The following PDE3A variants were observed in gnomAD, a reference collection of about 807,000 sequenced individuals.
The protein encoded by PDE3A is phosphodiesterase 3A.
Under a neutral mutation model 98.3 loss-of-function variants are expected in PDE3A, and 43 were observed. That is an observed-to-expected ratio of 0.44 (90% CI 0.34 to 0.56). The LOEUF (loss-of-function observed/expected upper bound fraction) is 0.56. Among genes scored for constraint, PDE3A ranks in the 20% least tolerant of loss-of-function variants. The pLI is 0.01. For synonymous variants in PDE3A, 663 were observed against 567.9 expected, an observed-to-expected ratio of 1.17 and a Z score of -2.38; for missense variants, 1,427 against 1,440.7, an observed-to-expected ratio of 0.99 and a Z score of 0.15.
chr12:20,561,354 C>A (rs1942515380), intron 2 of PDE3A, among the ~76,000 whole-genome samples: 1 of 152,082 alleles, frequency 6.6e-6, no homozygotes, highest in East Asian at 1.9e-4. Flanking sequence ...CTTCAGTTTT[C>A]TTGGTAGGAT....
chr12:20,413,878 G>C (rs1238467808), intron 1 of PDE3A, among the ~76,000 whole-genome samples: 3 of 152,162 alleles, frequency 2.0e-5, no homozygotes, highest in African/African-American at 7.2e-5. Context: ...GATGGTACGG[G>C]AGAGTGAAAA....
rs117810139 is a variant in PDE3A, at chr12:20,435,693, C to A, written c.960+65449C>A. On this transcript the variant is annotated intron_variant, in intron 1 of 15. Coordinates refer to ENST00000359062, the MANE Select transcript of PDE3A (RefSeq NM_000921.5). ...TTTCTACTTTTCTAAAATGGTAATT[C>A]TATTTGCTCTGCTTAACTCACAGCT... Among the ~76,000 whole-genome samples, 51 of 152,246 alleles carry A rather than the reference C, an allele frequency of 3.3e-4. No homozygotes were observed. In the East Asian group the frequency reaches 9.7e-3, roughly 29 times the overall value.
At chr12:20,668,442 T>C (rs1945379743) in intron 15 of PDE3A, among the ~76,000 whole-genome samples, 1 of 152,048 alleles carries the variant, frequency 6.6e-6, no homozygotes, top group African/African-American at 2.4e-5. Context: ...CAGACTTAAA[T>C]GTCCCTGTCT....
intron 1 of PDE3A, among the ~76,000 whole-genome samples, chr12:20,554,530 A>G (rs974819941): frequency 5.9e-5 from 9 of 151,698 alleles, no homozygotes; most frequent in African/African-American, 2.2e-4. Flanking sequence ...CATTTATTAT[A>G]AGGTTAGGCT....
rs74647341 is a variant in PDE3A at position 20,518,631 on chromosome 12, T to C, written c.961-38029T>C. On this transcript the variant is annotated intron_variant, in intron 1 of 15. Transcript: ENST00000359062. ...ATATTTGGAAACCAAGATTAATAGA[T>C]GTTTCAGATCCGAAGTGTTTGTTCT... 2.0e-4 allele frequency among the ~76,000 whole-genome samples: 31 copies of C among 152,304 alleles called. No individual in the cohort carries two copies. The East Asian group carries it at 6.0e-3, about 29-fold the overall frequency.
rs1199294249 is a variant in PDE3A at position 20,597,595 on chromosome 12, T to G, written c.1012-15848T>G. Among the ~76,000 whole-genome samples, 27 of 152,190 alleles carry G rather than the reference T, an allele frequency of 1.8e-4. 1 individual carries two copies. The highest frequency in any genetic ancestry group is 1.8e-3 in the Admixed American group (27 of 15,276). On this transcript the variant is annotated intron_variant, in intron 2 of 15. Transcript: ENST00000359062. ...TTTCAAAGTTTGGAAAAGAACCACA[T>G]GGACAGATTCAGGTGTTTTAGGATC... is the stretch of plus-strand genomic sequence containing the variant.
Position 20,420,047 on chromosome 12 carries a change from G to T in PDE3A, c.960+49803G>T, listed in dbSNP as rs141949858. On this transcript the variant is annotated intron_variant, in intron 1 of 15. Transcript: ENST00000359062. ...ATCATTAAAAAGAAACTGTGGCATGGGATAGTTTAGGAATTTTTTAAAAAT... is the reference window on the plus strand; with the variant it reads ...ATCATTAAAAAGAAACTGTGGCATGTGATAGTTTAGGAATTTTTTAAAAAT... Among the ~76,000 whole-genome samples the T allele has an allele frequency of 9.7e-4, 148 of 152,120 alleles. 1 individual carries two copies. Among genetic ancestry groups the T allele is most frequent in the African/African-American group, 3.4e-3 (142 of 41,496 alleles).
chr12:20,548,960 T>C (rs1942128619), intron 1 of PDE3A, among the ~76,000 whole-genome samples: 1 of 151,966 alleles, frequency 6.6e-6, no homozygotes, highest in Non-Finnish European at 1.5e-5. Flanking sequence ...TTATTGTGAA[T>C]AACCATTTTT....
intron 2 of PDE3A, among the ~76,000 whole-genome samples, chr12:20,608,377 G>C (rs1429644704): frequency 1.2e-5 from 1 of 82,722 alleles, no homozygotes; most frequent in Non-Finnish European, 3.0e-5. Context: ...ATGATACTAA[G>C]GATATTTTTT....
At chr12:20,471,503 G>A (rs1015621320) in intron 1 of PDE3A, among the ~76,000 whole-genome samples, 1 of 152,118 alleles carries the variant, frequency 6.6e-6, no homozygotes, top group Admixed American at 6.6e-5. Flanking sequence ...CTAGAAATAC[G>A]GAGTCCAATC....
At chr12:20,647,361 A>T (rs1045408263) in intron 12 of PDE3A, among the ~76,000 whole-genome samples, 1 of 152,170 alleles carries the variant, frequency 6.6e-6, no homozygotes. Flanking sequence ...TATAACAATT[A>T]TGATTCTTAT....
chr12:20,680,155 C>G lies in PDE3A; in HGVS notation c.3310C>G (p.Leu1104Val). The change falls in exon 16 of 16, where the codon CTG (leucine) becomes GTG (valine). Residue 1104 changes from leucine (L) to valine (V), a missense_variant. Leu to Val is a conservative substitution (Grantham distance 32, BLOSUM62 1). Around this residue, in one of 3 missense-constraint regions of PDE3A, gnomAD observed 142 missense variants for 133.9 expected, o/e 1.06. Transcript: ENST00000359062. ...GTTGGCAGGCATAGAAAATCAATCCCTGGACCAGACCCCTCAGTCGCACTC... is the reference window on the plus strand; with the variant it reads ...GTTGGCAGGCATAGAAAATCAATCCGTGGACCAGACCCCTCAGTCGCACTC... ...QRLAGIENQS[L>V]DQTPQSHSSE... is the part of the protein sequence containing the mutation. 6.2e-7 allele frequency: 1 copy of G among 1,613,862 alleles called. No homozygotes were observed. The highest frequency in any genetic ancestry group is 2.2e-5 in the East Asian group (1 of 44,856).
chr12:20,556,273 C>A (rs144083657), intron 1 of PDE3A, among the ~76,000 whole-genome samples: 1 of 152,160 alleles, frequency 6.6e-6, no homozygotes, highest in Non-Finnish European at 1.5e-5. Flanking sequence ...ACTGATTTGG[C>A]CTTCTGGTTC....
intron 1 of PDE3A, among the ~76,000 whole-genome samples, chr12:20,534,406 A>G (rs1300942908): frequency 2.0e-5 from 3 of 152,194 alleles, no homozygotes. Context: ...GTCCTCTTCA[A>G]TAGGCGAGGT....
chr12:20,591,583 A>G (rs981899424), intron 2 of PDE3A, among the ~76,000 whole-genome samples: 1 of 152,260 alleles, frequency 6.6e-6, no homozygotes, highest in Non-Finnish European at 1.5e-5. Flanking sequence ...AAATATGTGC[A>G]TTGTTAGGGA....
rs754087920 is a variant in PDE3A at position 20,370,117 on chromosome 12, G to T, written c.833G>T (p.Gly278Val). 3.7e-6 allele frequency: 6 copies of T among 1,613,232 alleles called. No homozygotes were observed. In the East Asian group the frequency reaches 1.3e-4, roughly 36 times the overall value. The part of the protein sequence containing the change: ...REHLGSQLIA[G>V]TKEDIPVFKR... ...CATTTGGGGTCCCAGCTGATTGCTG[G>T]GACCAAGGAAGATATCCCGGTGTTT... Residue 278 changes from glycine to valine, a missense_variant, in exon 1 of 16, where the codon GGG (glycine) becomes GTG (valine). Physicochemically the swap from Gly to Val is moderately radical, Grantham distance 109 (BLOSUM62 -3). Transcript: ENST00000359062.
chr12:20,424,209 G>A (rs1944568169), intron 1 of PDE3A, among the ~76,000 whole-genome samples: 1 of 152,146 alleles, frequency 6.6e-6, no homozygotes, highest in Admixed American at 6.5e-5. Context: ...GTAAAATAAG[G>A]TGGCTATAAA....
chr12:20,640,175 A>G (rs1944613762), intron 10 of PDE3A, among the ~76,000 whole-genome samples: 1 of 152,098 alleles, frequency 6.6e-6, no homozygotes, highest in Non-Finnish European at 1.5e-5. Context: ...CTTAAGCTCT[A>G]CATGCCTCAT....
Position 20,369,859 on chromosome 12 carries a change from G to T in PDE3A, c.575G>T (p.Gly192Val), listed in dbSNP as rs1450180442. The T allele has an allele frequency of 2.5e-6, 4 of 1,612,378 alleles. 1 individual carries two copies. In the South Asian group the frequency reaches 4.4e-5, roughly 18 times the overall value. The change falls in exon 1 of 16, where the codon GGG becomes GTG. Residue 192 changes from glycine (G) to valine (V), a missense_variant. Coordinates refer to ENST00000359062, the MANE Select transcript of PDE3A (RefSeq NM_000921.5). ...EDHLLSLPAA[G>V]VVLSCLAAAT... The stretch of plus-strand genomic sequence containing the variant: ...CACTTACTCTCACTCCCCGCCGCGG[G>T]GGTGGTGCTCAGCTGCTTGGCCGCC...
Sources: allele counts gnomAD v4.1 joint callset (sites outside exome capture counted in the v4.1 genomes callset), GRCh38; gene constraint gnomAD v4.1.1; regional missense constraint gnomAD v4.1.1; transcripts MANE v1.5; gene names NCBI Gene and HGNC (gene_info 2026-07-23, HGNC 2026-07-21).